ROBO1: variants seen among roughly 807,000 people sequenced by gnomAD.
ROBO1 encodes roundabout homolog 1.
ROBO1 carries 149 observed loss-of-function variants against 195.9 expected under a neutral mutation model. The observed-to-expected ratio is 0.76, with a 90% CI of 0.67 to 0.87. ROBO1 has a LOEUF of 0.87. ROBO1 is among the 40% of genes least tolerant of loss of function. The pLI is 0.00. For synonymous variants in ROBO1, 816 were observed against 733.2 expected (o/e 1.11, Z -1.82); for missense variants, 1,933 against 2,068.3 (o/e 0.93, Z 1.27).
intron 4 of ROBO1, among the ~76,000 whole-genome samples, chr3:78,866,441 C>T (rs2035185502): frequency 1.3e-5 from 2 of 152,174 alleles, no homozygotes; most frequent in African/African-American, 4.8e-5. Flanking sequence ...ATTAAGAAAT[C>T]TGTTTTGCCT....
chr3:78,946,287 C>T (rs1173148302), intron 3 of ROBO1, among the ~76,000 whole-genome samples: 4 of 152,216 alleles, frequency 2.6e-5, no homozygotes, highest in African/African-American at 9.6e-5. Flanking sequence ...GTCGGGTTAC[C>T]CACAAAGGGA....
intron 2 of ROBO1, among the ~76,000 whole-genome samples, chr3:79,499,087 C>T (rs943460028): frequency 1.3e-5 from 2 of 152,100 alleles, no homozygotes. Flanking sequence ...CTCTGCCTCT[C>T]CGGTTCAAGG....
chr3:79,256,430 G>C (rs2082834819), intron 2 of ROBO1, among the ~76,000 whole-genome samples: 1 of 152,076 alleles, frequency 6.6e-6, no homozygotes, highest in South Asian at 2.1e-4. Context: ...CAAGTTACAA[G>C]TTAGTATTAA....
At chr3:78,952,887 C>A (rs914362581) in intron 3 of ROBO1, among the ~76,000 whole-genome samples, 1 of 152,004 alleles carries the variant, frequency 6.6e-6, no homozygotes, top group African/African-American at 2.4e-5. Flanking sequence ...CTTCTCCAGT[C>A]AAAATTTAGA....
chr3:79,696,688 C>A (rs1947459673), intron 1 of ROBO1, among the ~76,000 whole-genome samples: 1 of 151,224 alleles, frequency 6.6e-6, no homozygotes, highest in South Asian at 2.1e-4. Context: ...GAAAATGGCA[C>A]CTGGATAAAT....
rs543622079 is a variant in ROBO1 at position 79,333,047 on chromosome 3, C to CA, written c.89-207509dup. On this transcript the variant is annotated intron_variant, in intron 2 of 30. Coordinates refer to ENST00000464233, the MANE Select transcript of ROBO1 (RefSeq NM_002941.4). ...CGAAACCCCGTCTCTGCTGAAAATA[C>CA]AAAAAATTAGCCAGGGGGGGTAGCA... 2.9e-3 allele frequency among the ~76,000 whole-genome samples: 446 copies of CA among 151,830 alleles called. 1 individual carries two copies. Among genetic ancestry groups the CA allele is most frequent in the African/African-American group, 0.01 (427 of 41,412 alleles).
rs761066418 is a variant in ROBO1, at chr3:78,728,164, C to T, written c.658-10281G>A. On this transcript the variant is annotated intron_variant, in intron 5 of 30. Coordinates refer to ENST00000464233, the MANE Select transcript of ROBO1 (RefSeq NM_002941.4). The stretch of plus-strand genomic sequence containing the variant: ...TCTTACCTCCCTCTATTCCTATTTT[C>T]TTCTGGTTCACAGAGCCCTAAAAGA... Among the ~76,000 whole-genome samples the T allele has an allele frequency of 4.7e-4, 72 of 151,964 alleles. 1 individual carries two copies. The highest frequency in any genetic ancestry group is 9.9e-4 in the Non-Finnish European group (67 of 68,000).
intron 4 of ROBO1, among the ~76,000 whole-genome samples, chr3:78,914,077 G>C (rs565209012): frequency 1.3e-5 from 2 of 152,214 alleles, no homozygotes; most frequent in South Asian, 4.1e-4. Context: ...TAAGAAAATG[G>C]AATCTCCCAT....
chr3:79,350,136 G>C (rs1245641349), intron 2 of ROBO1, among the ~76,000 whole-genome samples: 1 of 152,112 alleles, frequency 6.6e-6, no homozygotes, highest in Non-Finnish European at 1.5e-5. Context: ...TGATCTGAAT[G>C]GATATTTCTC....
At chr3:79,518,633 T>A (rs1289050654) in intron 2 of ROBO1, among the ~76,000 whole-genome samples, 1 of 152,108 alleles carries the variant, frequency 6.6e-6, no homozygotes, top group East Asian at 1.9e-4. Context: ...GTAAAGCTTT[T>A]TCTATATTAT....
At chr3:79,568,382 A>G (rs992925911) in intron 2 of ROBO1, among the ~76,000 whole-genome samples, 4 of 151,960 alleles carry the variant, frequency 2.6e-5, no homozygotes, top group Admixed American at 6.6e-5. Context: ...TCTTCAAACA[A>G]TTAGAAAATA....
rs1001641619 is a variant in ROBO1, at chr3:78,951,299, T to C, written c.173-12372A>G. Among the ~76,000 whole-genome samples, 4 of 151,934 alleles carry C rather than the reference T, an allele frequency of 2.6e-5. No homozygotes were observed. The South Asian group carries it at 6.2e-4, about 24-fold the overall frequency. On this transcript the variant is annotated intron_variant, in intron 3 of 30. Transcript: ENST00000464233. ...TATATATTTACATACAGTACATATA[T>C]ATAATATTCGACTCATTATTCATAA...
chr3:79,064,093 T>G (rs2108413568), intron 3 of ROBO1, among the ~76,000 whole-genome samples: 1 of 152,012 alleles, frequency 6.6e-6, no homozygotes, highest in Admixed American at 6.6e-5. Context: ...GAGAAGATTT[T>G]GAATCATCAT....
intron 4 of ROBO1, among the ~76,000 whole-genome samples, chr3:78,895,162 G>A (rs2037156070): frequency 6.6e-6 from 1 of 152,214 alleles, no homozygotes; most frequent in Non-Finnish European, 1.5e-5. Context: ...TGCTAATGCA[G>A]ACACAAATCA....
At chr3:79,570,031 G>C (rs1283203642) in intron 2 of ROBO1, among the ~76,000 whole-genome samples, 1 of 152,014 alleles carries the variant, frequency 6.6e-6, no homozygotes, top group East Asian at 1.9e-4. Context: ...AGCCCAGGAG[G>C]TCAAGGCTGC....
chr3:79,467,810 C>T (rs968448553), intron 2 of ROBO1, among the ~76,000 whole-genome samples: 1 of 152,144 alleles, frequency 6.6e-6, no homozygotes, highest in African/African-American at 2.4e-5. Flanking sequence ...ATTGTAACAC[C>T]CCTAGACTGC....
chr3:79,720,568 G>A (rs1371575149), intron 1 of ROBO1, among the ~76,000 whole-genome samples: 3 of 152,034 alleles, frequency 2.0e-5, no homozygotes, highest in African/African-American at 7.2e-5. Flanking sequence ...ATAAATTACT[G>A]GAAAAATGTG....
intron 10 of ROBO1, among the ~76,000 whole-genome samples, chr3:78,679,841 C>A (rs1360014940): frequency 6.6e-6 from 1 of 151,970 alleles, no homozygotes; most frequent in African/African-American, 2.4e-5. Context: ...CTTTAAAGTT[C>A]ATATGGAACC....
At chr3:79,259,132 C>T (rs1381708192) in intron 2 of ROBO1, among the ~76,000 whole-genome samples, 2 of 151,958 alleles carry the variant, frequency 1.3e-5, no homozygotes, top group African/African-American at 2.4e-5. Context: ...GAGTTGCAAA[C>T]AATCCAAATA....
Sources: allele counts gnomAD v4.1 joint callset (sites outside exome capture counted in the v4.1 genomes callset), GRCh38; gene constraint gnomAD v4.1.1; transcripts MANE v1.5; gene names NCBI Gene and HGNC (gene_info 2026-07-23, HGNC 2026-07-21).